Variants in DOCK10 observed in about 807,000 individuals in gnomAD.
DOCK10 encodes dedicator of cytokinesis 10, also known as dedicator of cytokinesis protein 10.
Under a neutral mutation model 280.1 loss-of-function variants are expected in DOCK10, and 145 were observed. The ratio of observed to expected loss-of-function variants is 0.52; its 90% confidence interval spans 0.45 to 0.59. The LOEUF is 0.59. Among genes scored for constraint, DOCK10 ranks in the 20% least tolerant of loss-of-function variants. The pLI, the probability that DOCK10 is intolerant of heterozygous loss-of-function variation, is 0.00. For synonymous variants in DOCK10, 915 were observed against 942.2 expected, an observed-to-expected ratio of 0.97 and a Z score of 0.53; for missense variants, 2,368 against 2,651.7, an observed-to-expected ratio of 0.89 and a Z score of 2.35.
chr2:224,974,781 A>G (rs1017319501), intron 1 of DOCK10, among the ~76,000 whole-genome samples: 3 of 79,706 alleles, frequency 3.8e-5, no homozygotes, highest in African/African-American at 9.1e-5. Context: ...CTAAAGGTAT[A>G]ATGTTCTCTC....
intron 41 of DOCK10, among the ~76,000 whole-genome samples, chr2:224,799,207 C>A (rs1692805992): frequency 6.6e-6 from 1 of 152,148 alleles, no homozygotes; most frequent in South Asian, 2.1e-4. Flanking sequence ...CACTGATCTG[C>A]TTTTTGTTCC....
At chr2:224,789,298 A>C in intron 47 of DOCK10, 128 bp from the exon 48 acceptor site, 1 of 589,410 alleles carries the variant, frequency 1.7e-6, no homozygotes. Context: ...CAAGATGGTT[A>C]GATTATGACT....
At chr2:224,916,483 G>A (rs768113721) in intron 3 of DOCK10, among the ~76,000 whole-genome samples, 17 of 150,256 alleles carry the variant, frequency 1.1e-4, no homozygotes, top group Non-Finnish European at 1.9e-4. Flanking sequence ...GGAGGCTGCT[G>A]TGAGCAGAGG....
chr2:224,934,457 T>C (rs117800664), intron 1 of DOCK10, among the ~76,000 whole-genome samples: 2 of 152,326 alleles, frequency 1.3e-5, no homozygotes, highest in East Asian at 1.9e-4. Context: ...GGACATAAAG[T>C]TTAAAAAGAA....
At chr2:225,031,847 G>T (rs939469373) in intron 1 of DOCK10, among the ~76,000 whole-genome samples, 2 of 152,176 alleles carry the variant, frequency 1.3e-5, no homozygotes, top group Non-Finnish European at 2.9e-5. Context: ...TGCCTCTGAG[G>T]CTCGATAAGG....
In DOCK10 at chr2:224,837,818, T is replaced by A; in HGVS notation, c.2794A>T (p.Ile932Phe). 1 of 1,613,884 alleles carries A rather than the reference T, an allele frequency of 6.2e-7. No homozygotes were observed. Reference protein sequence around the residue: ...TTTVTRVLTDIVAKCHEEQLD... With the variant: ...TTTVTRVLTDFVAKCHEEQLD... ...TGCTCCTCATGGCACTTGGCCACAA[T>A]GTCGGTCAGAACCCTGCAAAAGCAA... The change falls in exon 25 of 56, where the codon ATT becomes TTT. Residue 932 changes from isoleucine (I) to phenylalanine (F), a missense_variant. Physicochemically the swap from Ile to Phe is conservative, Grantham distance 21. Transcript: ENST00000258390.
intron 1 of DOCK10, among the ~76,000 whole-genome samples, chr2:225,036,333 C>A (rs1690259892): frequency 6.6e-6 from 1 of 152,016 alleles, no homozygotes; most frequent in African/African-American, 2.4e-5. Flanking sequence ...GAACTAAATC[C>A]CATTTTCGTT....
At position 224,876,037 on chromosome 2, in the gene DOCK10, C is replaced by G. The variant is rs1698608193; in HGVS notation, c.931+1G>C. 6.2e-7 allele frequency: 1 copy of G among 1,611,520 alleles called. No homozygotes were observed. ...AGGAAGACGGCTTCATATGCTCTCA[C>G]CCAGACCCAGATCAGTGAGCTCTGT... On this transcript the variant is annotated splice_donor_variant, in intron 8 of 55. Coordinates refer to ENST00000258390, the MANE Select transcript of DOCK10 (RefSeq NM_014689.3). LOFTEE classifies it high-confidence loss of function.
intron 50 of DOCK10, among the ~76,000 whole-genome samples, chr2:224,780,163 T>C (rs16866171): frequency 0.015 from 2,319 of 152,346 alleles, 65 homozygotes; most frequent in African/African-American, 0.053. Context: ...ATAAATGCCT[T>C]GACCCCAAAC....
intron 2 of DOCK10, among the ~76,000 whole-genome samples, chr2:224,921,092 TAAAAAAAAAAAAAAA>T (rs781152272): frequency 5.0e-5 from 3 of 59,482 alleles, no homozygotes; most frequent in Non-Finnish European, 8.3e-5. Context: ...CCGTCTCTAT[TAAAAAAAAAAAAAAA>T]AAAAAATATA....
intron 1 of DOCK10, among the ~76,000 whole-genome samples, chr2:225,011,779 G>A (rs1351105774): frequency 2.6e-5 from 4 of 152,094 alleles, no homozygotes; most frequent in African/African-American, 4.8e-5. Flanking sequence ...ATTATAAAAT[G>A]GCACCCAAAA....
At chr2:224,832,840 G>T (rs1368984128) in intron 26 of DOCK10, among the ~76,000 whole-genome samples, 1 of 152,120 alleles carries the variant, frequency 6.6e-6, no homozygotes, top group Non-Finnish European at 1.5e-5. Flanking sequence ...CAGCACTAAT[G>T]AAATTGAGCT....
At chr2:225,028,582 G>A (rs1689985361) in intron 1 of DOCK10, among the ~76,000 whole-genome samples, 1 of 152,182 alleles carries the variant, frequency 6.6e-6, no homozygotes, top group African/African-American at 2.4e-5. Context: ...GTCTGTTATT[G>A]CAGCAACAGA....
At chr2:224,918,771 GCA>G (rs1701489227) in intron 2 of DOCK10, among the ~76,000 whole-genome samples, 1 of 118,682 alleles carries the variant, frequency 8.4e-6, no homozygotes, top group African/African-American at 2.7e-5. Flanking sequence ...GCATTTGAGT[GCA>G]TGTGTATGTG....
intron 27 of DOCK10, among the ~76,000 whole-genome samples, chr2:224,827,621 C>T (rs67438476): frequency 0.14 from 21,834 of 152,104 alleles, 1,723 homozygotes; most frequent in Middle Eastern, 0.2. Flanking sequence ...CGTCAGCTAA[C>T]AAGTTAGTGA....
At chr2:224,765,983 T>C in intron 55 of DOCK10, 146 bp from the exon 56 acceptor site, 1 of 562,918 alleles carries the variant, frequency 1.8e-6, no homozygotes, top group Non-Finnish European at 2.9e-6. Context: ...AAAGTGGATC[T>C]AAAGAATTTT....
intron 31 of DOCK10, among the ~76,000 whole-genome samples, chr2:224,810,641 C>A (rs1460730356): frequency 9.0e-6 from 1 of 111,690 alleles, no homozygotes; most frequent in Non-Finnish European, 1.8e-5. Flanking sequence ...CCCCTCCCCC[C>A]ACCCCACAAC....
chr2:224,983,896 A>T, intron 1 of DOCK10: 1 of 470,666 alleles, frequency 2.1e-6, no homozygotes, highest in Non-Finnish European at 4.4e-6. Context: ...CCCGGGTGCT[A>T]ATCTAAACCA....
At chr2:224,772,753 T>C (rs1690535676) in intron 53 of DOCK10, among the ~76,000 whole-genome samples, 1 of 152,236 alleles carries the variant, frequency 6.6e-6, no homozygotes, top group South Asian at 2.1e-4. Context: ...TAAACATGCA[T>C]GCACCTTTTA....
Sources: gnomAD v4.1 joint callset for allele counts (sites outside exome capture counted in the v4.1 genomes callset) on GRCh38, gnomAD v4.1.1 for gene constraint, MANE v1.5 for transcripts, NCBI Gene and HGNC (gene_info 2026-07-23, HGNC 2026-07-21) for gene names.